Variants in ACAN observed in about 807,000 individuals in gnomAD.
The protein encoded by ACAN is aggrecan core protein.
A neutral mutation model predicts 169.1 loss-of-function variants in ACAN; 47 were observed. The ratio of observed to expected loss-of-function variants is 0.28; its 90% CI spans 0.22 to 0.35. The LOEUF (loss-of-function observed/expected upper bound fraction) is 0.35. Ranked by LOEUF, ACAN falls within the 10% of genes least tolerant of loss-of-function variation. ACAN has a pLI of 1.00. For missense variants in ACAN, 2,716 were observed against 2,759.9 expected (o/e 0.98, Z 0.36); for synonymous variants, 1,115 against 1,112.2 (o/e 1.00, Z -0.05).
rs368698066 is a variant in ACAN, at chr15:88,857,560, G to C, written c.4975G>C (p.Val1659Leu). ...FSGLPSGFPT[V>L]SLVDSTLVEV... ...TGGACTTCCATCTGGATTCCCAACT[G>C]TTTCCCTAGTGGATTCTACATTGGT... Residue 1659 changes from valine to leucine, a missense_variant, in exon 12 of 19, where the codon GTT (valine) becomes CTT (leucine). Physicochemically the swap from Val to Leu is conservative, Grantham distance 32. This residue lies in a region of ACAN where 1,389 missense variants were observed against 1,363.7 expected (regional missense o/e 1.02). Transcript: ENST00000560601. The C allele has an allele frequency of 5.6e-6, 9 of 1,613,858 alleles. No homozygotes were observed. Among genetic ancestry groups the C allele is most frequent in the Non-Finnish European group, 7.6e-6 (9 of 1,179,908 alleles).
chr15:88,842,876 G>C (rs374902516), intron 5 of ACAN, among the ~76,000 whole-genome samples: 1 of 152,056 alleles, frequency 6.6e-6, no homozygotes, highest in East Asian at 1.9e-4. Context: ...CTCGAATGAT[G>C]CTCTTACGGA....
At chr15:88,860,988 C>G (rs1273453620) in intron 13 of ACAN, among the ~76,000 whole-genome samples, 1 of 152,090 alleles carries the variant, frequency 6.6e-6, no homozygotes, top group Non-Finnish European at 1.5e-5. Flanking sequence ...GCACGTCTGC[C>G]CAGGCACCCA....
intron 1 of ACAN, among the ~76,000 whole-genome samples, chr15:88,808,514 G>T (rs1895741559): frequency 6.6e-6 from 1 of 152,170 alleles, no homozygotes; most frequent in African/African-American, 2.4e-5. Context: ...ACCTGAACCT[G>T]ACCCCTCATT....
chr15:88,804,812 G>GA (rs1294333497), intron 1 of ACAN, among the ~76,000 whole-genome samples: 1 of 152,228 alleles, frequency 6.6e-6, no homozygotes, highest in Non-Finnish European at 1.5e-5. Context: ...AGAAGCTGGA[G>GA]TTCCAGCATG....
rs908745256 is a variant in ACAN at position 88,843,055 on chromosome 15, G to A, written c.758-300G>A. On this transcript the variant is annotated intron_variant, in intron 5 of 18. Transcript: ENST00000560601. The surrounding 1 kb of genome is among the most constrained non-coding windows in gnomAD (Gnocchi z 4.0). The stretch of plus-strand genomic sequence containing the variant: ...TGTGGTGGAATGCAAATGGGGCAAA[G>A]AGGCTTTTGAGCAGAATTTTCCTCC... Among the ~76,000 whole-genome samples, 1 of 152,226 alleles carries A rather than the reference G, an allele frequency of 6.6e-6. No individual in the cohort carries two copies. The highest frequency in any genetic ancestry group is 1.5e-5 in the Non-Finnish European group (1 of 68,038).
chr15:88,843,697 G>A lies in ACAN; in HGVS notation c.1051+49G>A. ...AGGGAGTTCATGCCACTAAAATGGG[G>A]TCCTAGAGGGAAGAGGGGATCTTGG... On this transcript the variant is annotated intron_variant, in intron 6 of 18. Coordinates refer to ENST00000560601, the MANE Select transcript of ACAN (RefSeq NM_001369268.1). This position sits in a 1 kb window ranked among gnomAD's most constrained non-coding sequence, Gnocchi z 4.0. The A allele has an allele frequency of 6.6e-7, 1 of 1,518,164 alleles. No individual in the cohort carries two copies. The highest frequency in any genetic ancestry group is 8.9e-7 in the Non-Finnish European group (1 of 1,128,846). The allele number at this position is 1,518,164 out of a possible 1,614,324, so 94.0% of individuals were successfully genotyped here.
At chr15:88,805,479 C>G (rs1895655696) in intron 1 of ACAN, among the ~76,000 whole-genome samples, 1 of 152,242 alleles carries the variant, frequency 6.6e-6, no homozygotes, top group Non-Finnish European at 1.5e-5. Flanking sequence ...TGGAATTCCA[C>G]AGGTTACCTT....
At chr15:88,860,272 T>C in intron 12 of ACAN, 54 bp from the exon 13 acceptor site, 1 of 1,350,944 alleles carries the variant, frequency 7.4e-7, no homozygotes, top group Non-Finnish European at 1.0e-6. Context: ...TTGGAGGCCA[T>C]GGTAGCCAGG....
In ACAN at chr15:88,871,285, T is replaced by TG; in HGVS notation, c.7061-93dup. 1 of 1,526,162 alleles carries TG rather than the reference T, an allele frequency of 6.6e-7. No individual in the cohort carries two copies. Among genetic ancestry groups the TG allele is most frequent in the Admixed American group, 1.8e-5 (1 of 55,404 alleles). 94.5% of individuals were successfully genotyped at this position (1,526,162 alleles called of 1,614,324 possible). On this transcript the variant is annotated intron_variant, in intron 14 of 18. Transcript: ENST00000560601. This position sits in a 1 kb window ranked among gnomAD's most constrained non-coding sequence, Gnocchi z 7.8. ...TCCCTTGAGGGCACAGCATGGAAGG[T>TG]GGGGTGAACGCAGGAACCTATGCCA...
At position 88,871,156 on chromosome 15, in the gene ACAN, G is replaced by A. The variant is rs1010686798; in HGVS notation, c.7061-226G>A. Among the ~76,000 whole-genome samples, 15 of 152,012 alleles carry A rather than the reference G, an allele frequency of 9.9e-5. No individual in the cohort carries two copies. The highest frequency in any genetic ancestry group is 3.6e-4 in the African/African-American group (15 of 41,374). On this transcript the variant is annotated intron_variant, in intron 14 of 18. Coordinates refer to ENST00000560601, the MANE Select transcript of ACAN (RefSeq NM_001369268.1). This position sits in a 1 kb window ranked among gnomAD's most constrained non-coding sequence, Gnocchi z 7.8. ...GTGAGGGGGGAGGGCGTGGCATCAG[G>A]GAAGGAAAGGGCCCCTGGCATTTTC...
Position 88,838,595 on chromosome 15 carries a change from A to T in ACAN, c.71-68A>T. The T allele has an allele frequency of 6.6e-7, 1 of 1,507,322 alleles. No homozygotes were observed. The highest frequency in any genetic ancestry group is 8.9e-7 in the Non-Finnish European group (1 of 1,119,820). 93.4% of individuals were successfully genotyped at this position (1,507,322 alleles called of 1,614,324 possible). ...GGAGAGTGCATTGCTGGAAGGATGG[A>T]TGGGGAGGCGGGGTGGTCCTCTCTA... On this transcript the variant is annotated intron_variant, in intron 2 of 18. Transcript: ENST00000560601. This position sits in a 1 kb window ranked among gnomAD's most constrained non-coding sequence, Gnocchi z 5.1.
rs374406298 is a variant in ACAN at position 88,847,320 on chromosome 15, A to T, written c.1507A>T (p.Thr503Ser). ...FEEAQQACLRTGAVIASPEQL... is the reference protein window; with the variant it reads ...FEEAQQACLRSGAVIASPEQL... ...GGAGGCACAGCAGGCCTGCCTGCGCACGGGGGCGGTCATTGCCTCGCCGGA... is the reference window on the plus strand; with the variant it reads ...GGAGGCACAGCAGGCCTGCCTGCGCTCGGGGGCGGTCATTGCCTCGCCGGA... Residue 503 changes from threonine to serine, a missense_variant, in exon 8 of 19, where the codon ACG (threonine) becomes TCG (serine). Thr to Ser is a moderately conservative substitution (Grantham distance 58). This residue lies in a region of ACAN where 1,283 missense variants were observed against 1,281.5 expected (regional missense o/e 1.00). Transcript: ENST00000560601. 1.7e-5 allele frequency: 27 copies of T among 1,578,370 alleles called. 1 individual carries two copies. The highest frequency in any genetic ancestry group is 1.4e-4 in the East Asian group (6 of 42,958).
intron 2 of ACAN, among the ~76,000 whole-genome samples, chr15:88,837,769 T>C (rs1488774078): frequency 7.2e-5 from 11 of 152,018 alleles, no homozygotes; most frequent in Non-Finnish European, 1.6e-4. Context: ...CTCGCTCCCC[T>C]CCCCTTGCCC....
Position 88,858,464 on chromosome 15 carries a change from G to A in ACAN, c.5879G>A (p.Gly1960Asp), listed in dbSNP as rs766231705. Residue 1960 changes from glycine (G) to aspartate (D), a missense_variant, in exon 12 of 19, where the codon GGC becomes GAC. Gly to Asp is a moderately conservative substitution (Grantham distance 94, BLOSUM62 -1). This residue lies in a region of ACAN where 1,389 missense variants were observed against 1,363.7 expected (regional missense o/e 1.02). Coordinates refer to ENST00000560601, the MANE Select transcript of ACAN (RefSeq NM_001369268.1). The surrounding 1 kb of genome is among the most constrained non-coding windows in gnomAD (Gnocchi z 4.0). Reference sequence around the variant, plus strand: ...CAAGAGGCAGGAGAAGGGCCTTCTGGCATTTTAGAACTCAGTGGTGCTCAT... The same window carrying A: ...CAAGAGGCAGGAGAAGGGCCTTCTGACATTTTAGAACTCAGTGGTGCTCAT... The part of the protein sequence containing the change: ...TAQEAGEGPS[G>D]ILELSGAHSG... 1.9e-6 allele frequency: 3 copies of A among 1,613,690 alleles called. No individual in the cohort carries two copies. The South Asian group carries it at 3.3e-5, about 18-fold the overall frequency.
chr15:88,818,011 G>C (rs534900583), intron 1 of ACAN, among the ~76,000 whole-genome samples: 165 of 152,246 alleles, frequency 1.1e-3, no homozygotes, highest in Non-Finnish European at 1.6e-3. Context: ...GAATGGAATT[G>C]TATTCTATGT....
rs1412347063 is a variant in ACAN at position 88,874,084 on chromosome 15, C to T, written c.7630+60C>T. The T allele has an allele frequency of 2.5e-6, 4 of 1,584,412 alleles. No individual in the cohort carries two copies. The highest frequency in any genetic ancestry group is 3.4e-6 in the Non-Finnish European group (4 of 1,169,864). ...GGTTAGATTCTGCCAGCACAGCCTT[C>T]CCCCCGTCCCCTCTCCTGGGGACCC... is the stretch of plus-strand genomic sequence containing the variant. On this transcript the variant is annotated intron_variant, in intron 18 of 18. Transcript: ENST00000560601. The surrounding 1 kb of genome is among the most constrained non-coding windows in gnomAD (Gnocchi z 7.3).
rs373373120 is a variant in ACAN, at chr15:88,849,660, C to A, written c.1955C>A (p.Thr652Lys). 6.2e-7 allele frequency: 1 copy of A among 1,613,698 alleles called. No individual in the cohort carries two copies. Among genetic ancestry groups the A allele is most frequent in the Non-Finnish European group, 8.5e-7 (1 of 1,179,862 alleles). ...ACGGDKPGVRTVYLYPNQTGL... is the reference protein window; with the variant it reads ...ACGGDKPGVRKVYLYPNQTGL... ...GGTGGGGACAAGCCAGGCGTGAGAA[C>A]GGTCTACCTCTACCCTAACCAGACG... is the stretch of plus-strand genomic sequence containing the variant. The change falls in exon 10 of 19, where the codon ACG (threonine) becomes AAG (lysine). Residue 652 changes from threonine to lysine, a missense_variant. By Grantham distance (78) the Thr-to-Lys change is moderately conservative. Around this residue, in one of 3 missense-constraint regions of ACAN, gnomAD observed 1,283 missense variants for 1,281.5 expected, o/e 1.00. Transcript: ENST00000560601. The surrounding 1 kb of genome is among the most constrained non-coding windows in gnomAD (Gnocchi z 5.1).
Position 88,839,915 on chromosome 15 carries a change from G to A in ACAN, c.455-97G>A. The A allele has an allele frequency of 7.0e-7, 1 of 1,428,400 alleles. No homozygotes were observed. The highest frequency in any genetic ancestry group is 9.5e-7 in the Non-Finnish European group (1 of 1,049,652). The allele number at this position is 1,428,400 out of a possible 1,614,324, so 88.5% of individuals were successfully genotyped here. On this transcript the variant is annotated intron_variant, in intron 3 of 18. Transcript: ENST00000560601. This position sits in a 1 kb window ranked among gnomAD's most constrained non-coding sequence, Gnocchi z 4.5. Reference sequence around the variant, plus strand: ...AGCCCAGACCAGCCAGTTCCCTAAGGTCCCTTTGACTATTGCCATAATTCT... The same window carrying A: ...AGCCCAGACCAGCCAGTTCCCTAAGATCCCTTTGACTATTGCCATAATTCT...
At chr15:88,822,348 T>C (rs1451794940) in intron 1 of ACAN, among the ~76,000 whole-genome samples, 1 of 152,228 alleles carries the variant, frequency 6.6e-6, no homozygotes, top group African/African-American at 2.4e-5. Flanking sequence ...GAAGGACTGC[T>C]CTGTGAATGC....
Sources: gnomAD v4.1 joint callset for allele counts (sites outside exome capture counted in the v4.1 genomes callset) on GRCh38, gnomAD v4.1.1 for gene constraint, gnomAD v4.1.1 regional missense constraint, Gnocchi (gnomAD v3.1) non-coding constraint, MANE v1.5 for transcripts, NCBI Gene and HGNC (gene_info 2026-07-23, HGNC 2026-07-21) for gene names.